Variants in IL1RAPL2 observed in about 807,000 individuals in gnomAD.
IL1RAPL2 encodes the protein X-linked interleukin-1 receptor accessory protein-like 2.
In IL1RAPL2, 3 loss-of-function variants were observed where a neutral mutation model predicts 44.1. The observed-to-expected ratio is 0.07, with a 90% CI of 0.03 to 0.18. IL1RAPL2 has a LOEUF of 0.18. Ranked by LOEUF, IL1RAPL2 falls within the 10% of genes least tolerant of loss-of-function variation. The pLI is 1.00. For missense variants in IL1RAPL2, 391 were observed against 496.4 expected (o/e 0.79, Z 2.02); for synonymous variants, 181 against 178.8 (o/e 1.01, Z -0.10).
intron 1 of IL1RAPL2, among the ~76,000 whole-genome samples, chrX:104,612,671 C>T (rs1281158959): frequency 1.0e-5 from 1 of 97,077 alleles, no homozygotes; most frequent in African/African-American, 3.4e-5. Flanking sequence ...TTTTTTGTTT[C>T]CATTTGAATT....
intron 1 of IL1RAPL2, among the ~76,000 whole-genome samples, chrX:104,636,800 C>T (rs983712052): frequency 1.2e-4 from 14 of 112,226 alleles, no homozygotes; most frequent in East Asian, 5.7e-4. Flanking sequence ...CCAGGTGAGG[C>T]GATGCCTCGC....
intron 2 of IL1RAPL2, among the ~76,000 whole-genome samples, chrX:104,930,759 G>C (rs1292433999): frequency 1.8e-5 from 2 of 111,828 alleles, no homozygotes; most frequent in African/African-American, 6.5e-5. Context: ...TGATGAGCTA[G>C]TATAGTTAGC....
intron 2 of IL1RAPL2, among the ~76,000 whole-genome samples, chrX:104,843,171 C>T (rs1921955775): frequency 8.9e-6 from 1 of 111,824 alleles, no homozygotes; most frequent in African/African-American, 3.3e-5. Context: ...GTGAATTCTG[C>T]CCAGTCCAAA....
intron 5 of IL1RAPL2, among the ~76,000 whole-genome samples, chrX:105,332,402 T>C (rs1407511681): frequency 9.0e-6 from 1 of 110,524 alleles, no homozygotes; most frequent in African/African-American, 3.3e-5. Context: ...TTGTCTCTTC[T>C]TTTCATCTTT....
At chrX:105,409,880 T>TGGG (rs66840352) in intron 5 of IL1RAPL2, among the ~76,000 whole-genome samples, 5 of 101,967 alleles carry the variant, frequency 4.9e-5, no homozygotes, top group African/African-American at 1.9e-4. Context: ...AGATAGAGTG[T>TGGG]GGGGGGGGGG....
chrX:105,044,009 G>C (rs1257431316), intron 2 of IL1RAPL2, among the ~76,000 whole-genome samples: 1 of 111,362 alleles, frequency 9.0e-6, no homozygotes, highest in Admixed American at 9.6e-5. Context: ...TTTAAAATTT[G>C]GCAAAAAGAA....
intron 2 of IL1RAPL2, among the ~76,000 whole-genome samples, chrX:105,118,645 C>T (rs2032887099): frequency 8.9e-6 from 1 of 112,077 alleles, no homozygotes; most frequent in Admixed American, 9.4e-5. Flanking sequence ...CTAAAATCTC[C>T]ATGGACTTTT....
At chrX:105,329,798 G>T (rs1292649590) in intron 5 of IL1RAPL2, among the ~76,000 whole-genome samples, 1 of 111,146 alleles carries the variant, frequency 9.0e-6, no homozygotes, top group African/African-American at 3.3e-5. Flanking sequence ...TACCAAAAAA[G>T]AATGTAAAAT....
chrX:105,057,229 A>C (rs2032005682), intron 2 of IL1RAPL2, among the ~76,000 whole-genome samples: 1 of 112,492 alleles, frequency 8.9e-6, no homozygotes, highest in Non-Finnish European at 1.9e-5. Flanking sequence ...TCAAGGTTTT[A>C]CTGTGTATTC....
At chrX:104,991,454 T>A (rs1483888048) in intron 2 of IL1RAPL2, among the ~76,000 whole-genome samples, 1 of 111,228 alleles carries the variant, frequency 9.0e-6, no homozygotes, top group African/African-American at 3.3e-5. Context: ...CAGAAAGCCT[T>A]TCAAAGAATG....
intron 2 of IL1RAPL2, among the ~76,000 whole-genome samples, chrX:105,114,790 G>GT (rs2032836907): frequency 8.9e-6 from 1 of 111,951 alleles, no homozygotes; most frequent in Non-Finnish European, 1.9e-5. Context: ...CCCCTCTTCA[G>GT]TTAGGCAGGA....
chrX:105,258,419 C>T (rs1485432252), intron 4 of IL1RAPL2, among the ~76,000 whole-genome samples: 1 of 111,635 alleles, frequency 9.0e-6, no homozygotes, highest in Admixed American at 9.5e-5. Context: ...TGGGGATGAT[C>T]TTCTTGTGTA....
chrX:105,746,411 T>C (rs1485175959), intron 8 of IL1RAPL2, among the ~76,000 whole-genome samples: 1 of 112,003 alleles, frequency 8.9e-6, no homozygotes, highest in Non-Finnish European at 1.9e-5. Flanking sequence ...CCTGCTGAGA[T>C]TGAAAATTGC....
intron 1 of IL1RAPL2, among the ~76,000 whole-genome samples, chrX:104,654,022 C>T (rs1001363119): frequency 9.0e-6 from 1 of 110,542 alleles, no homozygotes; most frequent in Non-Finnish European, 1.9e-5. Flanking sequence ...ATTTTTTTAA[C>T]TCAATAGGGA....
At chrX:105,479,423 T>C (rs182197031) in intron 5 of IL1RAPL2, among the ~76,000 whole-genome samples, 1 of 110,846 alleles carries the variant, frequency 9.0e-6, no homozygotes, top group East Asian at 2.8e-4. Flanking sequence ...ATAGCATCAA[T>C]AAAATAGAAG....
chrX:105,074,014 T>G (rs1333940313), intron 2 of IL1RAPL2, among the ~76,000 whole-genome samples: 1 of 111,815 alleles, frequency 8.9e-6, no homozygotes, highest in Non-Finnish European at 1.9e-5. Flanking sequence ...TGATGGTGGT[T>G]TCTTTTGCTG....
chrX:104,978,217 TA>T (rs1305027070), intron 2 of IL1RAPL2, among the ~76,000 whole-genome samples: 1 of 112,265 alleles, frequency 8.9e-6, no homozygotes, highest in Non-Finnish European at 1.9e-5. Context: ...TATGCATCTT[TA>T]AAAGAATGCA....
intron 6 of IL1RAPL2, among the ~76,000 whole-genome samples, chrX:105,583,146 T>TG (rs1489031884): frequency 1.8e-5 from 2 of 108,304 alleles, no homozygotes; most frequent in African/African-American, 6.7e-5. Context: ...TTTGTTTTTT[T>TG]TTTTTTGAGA....
chrX:105,274,103 T>C (rs1324319797), intron 5 of IL1RAPL2, among the ~76,000 whole-genome samples: 1 of 112,285 alleles, frequency 8.9e-6, no homozygotes, highest in African/African-American at 3.2e-5. Flanking sequence ...TTGGACACGA[T>C]GTCTATCATT....
Sources: gnomAD v4.1 joint callset for allele counts (sites outside exome capture counted in the v4.1 genomes callset) on GRCh38, gnomAD v4.1.1 for gene constraint, MANE v1.5 for transcripts, NCBI Gene and HGNC (gene_info 2026-07-23, HGNC 2026-07-21) for gene names.